Variants in SUB1 observed in about 807,000 individuals in gnomAD.
SUB1 encodes the protein activated RNA polymerase II transcriptional coactivator p15.
SUB1 carries 1 observed loss-of-function variant against 16.9 expected under a neutral mutation model. The observed-to-expected ratio is 0.06, with a 90% confidence interval of 0.02 to 0.28. The LOEUF (loss-of-function observed/expected upper bound fraction) is 0.28. Among genes scored for constraint, SUB1 ranks in the 10% least tolerant of loss-of-function variants. SUB1 has a pLI of 1.00. For missense variants in SUB1, 84 were observed against 145.2 expected, an observed-to-expected ratio of 0.58 and a Z score of 2.16; for synonymous variants, 51 against 46.9, an observed-to-expected ratio of 1.09 and a Z score of -0.36.
chr5:32,598,056 T>TTTTCTA (rs1739021515), intron 3 of SUB1: 1 of 149,806 alleles, frequency 6.7e-6, no homozygotes, highest in African/African-American at 2.4e-5. Context: ...GCAATTCAAC[T>TTTTCTA]TTTTTATTTT....
At chr5:32,587,095 A>C (rs1738691964) in intron 1 of SUB1, among the ~76,000 whole-genome samples, 1 of 152,202 alleles carries the variant, frequency 6.6e-6, no homozygotes, top group African/African-American at 2.4e-5. Context: ...AAATTAGCTA[A>C]TTTATGCCTA....
intron 1 of SUB1, among the ~76,000 whole-genome samples, chr5:32,587,972 A>G (rs1041391915): frequency 1.3e-5 from 2 of 152,176 alleles, no homozygotes; most frequent in African/African-American, 4.8e-5. Context: ...TGATACGGCC[A>G]AAAAGTCAAA....
intron 3 of SUB1, among the ~76,000 whole-genome samples, chr5:32,593,125 G>T (rs1451303632): frequency 6.6e-6 from 1 of 152,002 alleles, no homozygotes; most frequent in Non-Finnish European, 1.5e-5. Flanking sequence ...TGATCCTCCT[G>T]CCTCAGCCTC....
At chr5:32,600,128 T>C (rs57570470) in intron 4 of SUB1, among the ~76,000 whole-genome samples, 6,956 of 152,248 alleles carry the variant, frequency 0.046, 380 homozygotes, top group African/African-American at 0.13. Context: ...GCTTACAAGG[T>C]GATGTAGTTC....
intron 3 of SUB1, chr5:32,594,527 A>C: frequency 4.5e-6 from 2 of 442,766 alleles, no homozygotes; most frequent in Non-Finnish European, 9.2e-6. Flanking sequence ...GCAGGAGTCC[A>C]TAGAATTGTT....
At chr5:32,600,057 C>CAACAACATG (rs1431707266) in intron 4 of SUB1, among the ~76,000 whole-genome samples, 2 of 152,178 alleles carry the variant, frequency 1.3e-5, no homozygotes, top group Non-Finnish European at 2.9e-5. Flanking sequence ...ATTCATGTTA[C>CAACAACATG]TTAATCATTT....
chr5:32,599,189 TC>T (rs1419054454), intron 4 of SUB1, 120 bp downstream of exon 4: 1 of 682,202 alleles, frequency 1.5e-6, no homozygotes, highest in South Asian at 1.8e-5. Flanking sequence ...CTCAATTGAT[TC>T]TCTATCTTCT....
intron 2 of SUB1, 69 bp downstream of exon 2, chr5:32,588,653 T>C: frequency 6.8e-7 from 1 of 1,466,084 alleles, no homozygotes; most frequent in Non-Finnish European, 9.4e-7. Context: ...TTCTGAAGGA[T>C]AGTAAAAGGT....
intron 3 of SUB1, 118 bp from the exon 4 acceptor site, chr5:32,598,843 T>G: frequency 1.4e-6 from 1 of 736,426 alleles, no homozygotes. Flanking sequence ...GGGTCAGCAG[T>G]AGTCATTTTC....
At chr5:32,590,661 T>C (rs1274068233) in intron 2 of SUB1, among the ~76,000 whole-genome samples, 1 of 151,744 alleles carries the variant, frequency 6.6e-6, no homozygotes, top group African/African-American at 2.4e-5. Flanking sequence ...AATGGCGCGA[T>C]CTCGGCTCAC....
Position 32,588,366 on chromosome 5 carries a change from G to A in SUB1, c.-1-146G>A, listed in dbSNP as rs902341161. ...CTTAAAAGGGTATAGATTAAAACTT[G>A]TGCTCAGTGTAACAACTCAGTACCA... On this transcript the variant is annotated intron_variant, in intron 1 of 4. Transcript: ENST00000265073. 1.1e-5 allele frequency: 7 copies of A among 654,878 alleles called. No homozygotes were observed. In the African/African-American group the frequency reaches 1.1e-4, roughly 10 times the overall value. 40.6% of individuals were successfully genotyped at this position (654,878 alleles called of 1,614,324 possible).
intron 3 of SUB1, chr5:32,596,272 C>T (rs987808269): frequency 5.3e-5 from 8 of 152,210 alleles, no homozygotes; most frequent in African/African-American, 1.9e-4. Context: ...GGTTCTGCTT[C>T]TTCCTCAGGC....
chr5:32,588,635 A>G (rs774202831), intron 2 of SUB1, 51 bp downstream of exon 2: 6 of 1,544,246 alleles, frequency 3.9e-6, no homozygotes, highest in African/African-American at 2.7e-5. Context: ...AATATTGTCC[A>G]TATCCCATTC....
At position 32,603,759 on chromosome 5, in the gene SUB1, C is replaced by G. The variant is rs1001061728; in HGVS notation, c.*2675C>G. The G allele has an allele frequency of 3.3e-5, 5 of 152,120 alleles. No homozygotes were observed. Among genetic ancestry groups the G allele is most frequent in the African/African-American group, 1.2e-4 (5 of 41,412 alleles). The allele number at this position is 152,120 out of a possible 1,614,324, so 9.4% of individuals were successfully genotyped here. On this transcript the variant is annotated 3_prime_UTR_variant, in exon 5 of 5. Coordinates refer to ENST00000265073, the MANE Select transcript of SUB1 (RefSeq NM_006713.4). ...AAAATTCAGTATTAAGTGTTCCTCACAGGAGATATGTTAGCAGAATACTAT... is the reference window on the plus strand; with the variant it reads ...AAAATTCAGTATTAAGTGTTCCTCAGAGGAGATATGTTAGCAGAATACTAT...
intron 4 of SUB1, among the ~76,000 whole-genome samples, chr5:32,600,442 A>T (rs990676373): frequency 1.3e-5 from 2 of 152,360 alleles, no homozygotes; most frequent in Admixed American, 1.3e-4. Flanking sequence ...TGTGTCTTCA[A>T]ACCCTTATTT....
Position 32,604,027 on chromosome 5 carries a change from A to G in SUB1, c.*2943A>G, listed in dbSNP as rs568814860. 7.9e-5 allele frequency: 12 copies of G among 152,286 alleles called. No individual in the cohort carries two copies. Among genetic ancestry groups the G allele is most frequent in the Admixed American group, 7.2e-4 (11 of 15,292 alleles). 9.4% of individuals were successfully genotyped at this position (152,286 alleles called of 1,614,324 possible). ...ACATCTTCCATGGAGATGTCTGAAT[A>G]TAATACTCCATCTGTGAATATTTTA... On this transcript the variant is annotated 3_prime_UTR_variant, in exon 5 of 5. Coordinates refer to ENST00000265073, the MANE Select transcript of SUB1 (RefSeq NM_006713.4).
At position 32,603,659 on chromosome 5, in the gene SUB1, T is replaced by C. The variant is rs1194752811; in HGVS notation, c.*2575T>C. The C allele has an allele frequency of 6.6e-6, 1 of 152,218 alleles. No individual in the cohort carries two copies. The highest frequency in any genetic ancestry group is 2.4e-5 in the African/African-American group (1 of 41,472). 9.4% of individuals were successfully genotyped at this position (152,218 alleles called of 1,614,324 possible). On this transcript the variant is annotated 3_prime_UTR_variant, in exon 5 of 5. Coordinates refer to ENST00000265073, the MANE Select transcript of SUB1 (RefSeq NM_006713.4). ...AAGATGCTGTGACGATCAAATCTAT[T>C]CTACATAATGCGTTTAGAAACAAAG...
At chr5:32,594,229 CTGG>C (rs1738900345) in intron 3 of SUB1, among the ~76,000 whole-genome samples, 3 of 152,166 alleles carry the variant, frequency 2.0e-5, no homozygotes, top group Non-Finnish European at 4.4e-5. Context: ...TGCTTACTTC[CTGG>C]TTCCTTCAGC....
Position 32,591,695 on chromosome 5 carries a change from G to T in SUB1, c.195+10G>T. 6.5e-7 allele frequency: 1 copy of T among 1,539,948 alleles called. No individual in the cohort carries two copies. Among genetic ancestry groups the T allele is most frequent in the South Asian group, 1.3e-5 (1 of 78,728 alleles). On this transcript the variant is annotated intron_variant, in intron 3 of 4. Coordinates refer to ENST00000265073, the MANE Select transcript of SUB1 (RefSeq NM_006713.4). ...TGATAACATGTTTCAGGTAAAGTTG[G>T]CTATTTTTTTTTTTTTTTTTTTTGA...
Sources: gnomAD v4.1 joint callset for allele counts (sites outside exome capture counted in the v4.1 genomes callset) on GRCh38, gnomAD v4.1.1 for gene constraint, MANE v1.5 for transcripts, NCBI Gene and HGNC (gene_info 2026-07-23, HGNC 2026-07-21) for gene names.